PHACTR1: variants seen among roughly 807,000 people sequenced by gnomAD.
The protein encoded by PHACTR1 is RPEL repeat containing 1.
In PHACTR1, 16 loss-of-function variants were observed where a neutral mutation model predicts 69.2. The ratio of observed to expected loss-of-function variants is 0.23; its 90% confidence interval spans 0.16 to 0.35. PHACTR1 has a LOEUF of 0.35. Among genes scored for constraint, PHACTR1 ranks in the 10% least tolerant of loss-of-function variants. The pLI, the probability that PHACTR1 is intolerant of heterozygous loss-of-function variation, is 1.00. For missense variants in PHACTR1, 510 were observed against 734.7 expected (o/e 0.69, Z 3.54); for synonymous variants, 312 against 284.5 (o/e 1.10, Z -0.97).
At chr6:13,181,187 G>A (rs529007959) in intron 6 of PHACTR1, among the ~76,000 whole-genome samples, 19 of 151,176 alleles carry the variant, frequency 1.3e-4, no homozygotes, top group Non-Finnish European at 2.2e-4. Flanking sequence ...TTCACTGGAC[G>A]GACTCTAATC....
At chr6:12,866,717 T>C (rs1188896443) in intron 4 of PHACTR1, among the ~76,000 whole-genome samples, 1 of 152,202 alleles carries the variant, frequency 6.6e-6, no homozygotes, top group African/African-American at 2.4e-5. Context: ...AAATAAAATA[T>C]TATGCAAGTT....
At chr6:13,201,390 T>A (rs1765214198) in intron 7 of PHACTR1, among the ~76,000 whole-genome samples, 1 of 152,112 alleles carries the variant, frequency 6.6e-6, no homozygotes, top group Admixed American at 6.6e-5. Flanking sequence ...AGGAGCGTGG[T>A]TATCGGGAAA....
chr6:12,879,056 A>G (rs1195612337), intron 4 of PHACTR1, among the ~76,000 whole-genome samples: 2 of 152,162 alleles, frequency 1.3e-5, no homozygotes. Context: ...CAGTTTCAAT[A>G]TTTTAATACA....
At chr6:12,841,876 AT>A (rs752994371) in intron 4 of PHACTR1, among the ~76,000 whole-genome samples, 1 of 152,200 alleles carries the variant, frequency 6.6e-6, no homozygotes, top group African/African-American at 2.4e-5. Flanking sequence ...TTATCATTTA[AT>A]TAAGCAGCTT....
chr6:13,106,376 C>T (rs1816136899), intron 5 of PHACTR1, among the ~76,000 whole-genome samples: 1 of 152,188 alleles, frequency 6.6e-6, no homozygotes, highest in Admixed American at 6.5e-5. Context: ...TGAGTGGGGA[C>T]ATCCTTGCCC....
chr6:12,937,149 T>C (rs1304677358), intron 4 of PHACTR1, among the ~76,000 whole-genome samples: 1 of 151,850 alleles, frequency 6.6e-6, no homozygotes, highest in Non-Finnish European at 1.5e-5. Flanking sequence ...ATTTCAGGTC[T>C]TTTTTTCTGC....
intron 4 of PHACTR1, among the ~76,000 whole-genome samples, chr6:12,851,356 T>G (rs1038682703): frequency 2.0e-5 from 3 of 152,182 alleles, no homozygotes; most frequent in Non-Finnish European, 4.4e-5. Context: ...TGCAAGGAAA[T>G]GCAGTGCTGT....
intron 4 of PHACTR1, among the ~76,000 whole-genome samples, chr6:13,044,645 G>A (rs1804734201): frequency 6.6e-6 from 1 of 152,152 alleles, no homozygotes; most frequent in Admixed American, 6.5e-5. Context: ...GGAAGCCCTT[G>A]CCACCTGGTG....
intron 4 of PHACTR1, among the ~76,000 whole-genome samples, chr6:13,041,424 TACTC>T (rs1199982393): frequency 7.0e-6 from 1 of 142,242 alleles, no homozygotes; most frequent in Non-Finnish European, 1.6e-5. Flanking sequence ...CTTGCAAAAA[TACTC>T]ACTTCAGCAG....
chr6:13,177,052 A>G (rs543785739), intron 6 of PHACTR1, among the ~76,000 whole-genome samples: 2 of 151,726 alleles, frequency 1.3e-5, no homozygotes, highest in East Asian at 3.9e-4. Flanking sequence ...TTCATACAAT[A>G]TTTTACCAGA....
chr6:13,141,724 C>CTTTTTTTTTTTTTTTTTTTTTTTTTTT (rs577073698), intron 5 of PHACTR1, among the ~76,000 whole-genome samples: 1 of 89,830 alleles, frequency 1.1e-5, no homozygotes, highest in Non-Finnish European at 2.2e-5. Context: ...TTTCTTCTTT[C>CTTTTTTTTTTTTTTTTTTTTTTTTTTT]TTTTTTTTTT....
chr6:12,852,968 A>G (rs189512163), intron 4 of PHACTR1, among the ~76,000 whole-genome samples: 38 of 152,288 alleles, frequency 2.5e-4, no homozygotes, highest in Non-Finnish European at 4.3e-4. Context: ...GGTATAATGC[A>G]TCCTATGTGA....
chr6:13,024,948 T>C (rs902006748), intron 4 of PHACTR1, among the ~76,000 whole-genome samples: 7 of 152,150 alleles, frequency 4.6e-5, no homozygotes, highest in African/African-American at 1.4e-4. Flanking sequence ...GCTGCATGCC[T>C]AGGTTAATTT....
At position 13,259,502 on chromosome 6, in the gene PHACTR1, G is replaced by A. The variant is rs143902297; in HGVS notation, c.1392-13358G>A. Among the ~76,000 whole-genome samples, 40 of 152,260 alleles carry A rather than the reference G, an allele frequency of 2.6e-4. No individual in the cohort carries two copies. The East Asian group carries it at 5.2e-3, about 20-fold the overall frequency. On this transcript the variant is annotated intron_variant, in intron 10 of 14. Coordinates refer to ENST00000332995, the MANE Select transcript of PHACTR1 (RefSeq NM_030948.6). ...TAAAGCCAAAAATATTCTTTTAAGC[G>A]TAACCTGTTTATCTATTTCAGGTAA...
chr6:12,843,425 G>C (rs1209455886), intron 4 of PHACTR1, among the ~76,000 whole-genome samples: 3 of 152,202 alleles, frequency 2.0e-5, no homozygotes, highest in Non-Finnish European at 4.4e-5. Context: ...CAGGTCGGGA[G>C]AGCAGAGCCC....
chr6:13,063,453 G>C (rs1244082777), intron 5 of PHACTR1, among the ~76,000 whole-genome samples: 1 of 152,084 alleles, frequency 6.6e-6, no homozygotes, highest in Non-Finnish European at 1.5e-5. Context: ...CCAGGGAAGA[G>C]AGGAGAGGTT....
chr6:13,112,095 T>C (rs1435112949), intron 5 of PHACTR1, among the ~76,000 whole-genome samples: 4 of 152,190 alleles, frequency 2.6e-5, no homozygotes, highest in African/African-American at 7.2e-5. Flanking sequence ...ATTCTCATCA[T>C]TTAGCTCCCA....
chr6:13,247,770 C>A (rs895515293), intron 10 of PHACTR1, among the ~76,000 whole-genome samples: 4 of 152,162 alleles, frequency 2.6e-5, no homozygotes, highest in Admixed American at 2.0e-4. Context: ...TAGAGAATCA[C>A]TTGAGGTCAG....
Position 12,865,990 on chromosome 6 carries a change from A to T in PHACTR1, c.250+116200A>T, listed in dbSNP as rs1200248551. On this transcript the variant is annotated intron_variant, in intron 4 of 14. Coordinates refer to ENST00000332995, the MANE Select transcript of PHACTR1 (RefSeq NM_030948.6). The stretch of plus-strand genomic sequence containing the variant: ...CCCTAAGAAAGGCACCGCCTCCAAC[A>T]GGAACAGCTGAGGGAGCCTCAGAGT... 2.0e-5 allele frequency among the ~76,000 whole-genome samples: 3 copies of T among 152,102 alleles called. No homozygotes were observed. In the East Asian group the frequency reaches 5.8e-4, roughly 29 times the overall value.
Sources: allele counts gnomAD v4.1 joint callset (sites outside exome capture counted in the v4.1 genomes callset), GRCh38; gene constraint gnomAD v4.1.1; transcripts MANE v1.5; gene names NCBI Gene and HGNC (gene_info 2026-07-23, HGNC 2026-07-21).